The following CD48 variants were observed in gnomAD, a reference collection of about 807,000 sequenced individuals.
The protein encoded by CD48 is CD48 molecule.
A neutral mutation model predicts 22.0 loss-of-function variants in CD48; 20 were observed. The observed-to-expected ratio is 0.91, with a 90% CI of 0.64 to 1.32. CD48 has a LOEUF of 1.32. CD48 is among the 40% of genes most tolerant of loss of function. The probability of loss-of-function intolerance (pLI) is 0.00; values close to 1 mark genes in which losing one functional copy is unlikely to be tolerated. For missense variants in CD48, 307 were observed against 286.5 expected (o/e 1.07, Z -0.52); for synonymous variants, 110 against 110.1 (o/e 1.00, Z 0.01).
chr1:160,688,315 ACTT>A (rs1457734177), intron 1 of CD48, among the ~76,000 whole-genome samples: 3 of 152,198 alleles, frequency 2.0e-5, no homozygotes, highest in Non-Finnish European at 2.9e-5. Context: ...TTGCTGTAGC[ACTT>A]CATTAATTAA....
Position 160,678,979 on chromosome 1 carries a change from T to C in CD48, c.*73A>G. ...TGGTCAGCCTATACAGTCTCTGTCC[T>C]GGTGAGGAGCATGATCACCAACAGG... On this transcript the variant is annotated 3_prime_UTR_variant, in exon 4 of 4. Coordinates refer to ENST00000368046, the MANE Select transcript of CD48 (RefSeq NM_001778.4). 4 of 1,095,826 alleles carry C rather than the reference T, an allele frequency of 3.7e-6. No homozygotes were observed. The East Asian group carries it at 9.4e-5, about 26-fold the overall frequency. 67.9% of individuals were successfully genotyped at this position (1,095,826 alleles called of 1,614,324 possible).
intron 1 of CD48, among the ~76,000 whole-genome samples, chr1:160,685,802 T>C (rs1661976877): frequency 6.6e-6 from 1 of 152,262 alleles, no homozygotes; most frequent in Non-Finnish European, 1.5e-5. Context: ...GGCATACAGA[T>C]CAATTTAACG....
chr1:160,694,381 C>T (rs927413373), intron 1 of CD48, among the ~76,000 whole-genome samples: 1 of 151,974 alleles, frequency 6.6e-6, no homozygotes, highest in African/African-American at 2.4e-5. Context: ...GAGCAGATGT[C>T]TCTATCATTG....
At chr1:160,683,543 T>C (rs1661885548) in intron 2 of CD48, 1 of 151,184 alleles carries the variant, frequency 6.6e-6, no homozygotes, top group African/African-American at 2.4e-5. Context: ...TTAAATCTTG[T>C]AGAGCTTGTT....
intron 1 of CD48, chr1:160,691,577 CAATAAATACT>C (rs1321576503): frequency 1.2e-5 from 2 of 173,538 alleles, no homozygotes; most frequent in Non-Finnish European, 2.4e-5. Flanking sequence ...CACGAATGAT[CAATAAATACT>C]AAGGGGACTC....
chr1:160,707,441 G>A (rs998547959), intron 1 of CD48, among the ~76,000 whole-genome samples: 11 of 152,096 alleles, frequency 7.2e-5, no homozygotes, highest in African/African-American at 2.7e-4. Flanking sequence ...CTGGGCTAGT[G>A]GGACTCAGAG....
Position 160,679,116 on chromosome 1 carries a change from A to G in CD48, c.668T>C (p.Val223Ala), listed in dbSNP as rs993919352. 2 of 1,614,074 alleles carry G rather than the reference A, an allele frequency of 1.2e-6. No individual in the cohort carries two copies. Among genetic ancestry groups the G allele is most frequent in the Middle Eastern group, 1.7e-4 (1 of 6,060 alleles). The change falls in exon 4 of 4, where the codon GTA becomes GCA. Residue 223 changes from valine (V) to alanine (A), a missense_variant. Physicochemically the swap from Val to Ala is moderately conservative, Grantham distance 64. Transcript: ENST00000368046. ...PPCTLARSFG[V>A]EWIASWLVVT... ...CACTAGCCAACTTGCAATCCATTCT[A>G]CTCCAAAGGACCGGGCTGAAAGAGC...
chr1:160,706,167 C>G (rs1662788442), intron 1 of CD48, among the ~76,000 whole-genome samples: 1 of 152,070 alleles, frequency 6.6e-6, no homozygotes, highest in South Asian at 2.1e-4. Flanking sequence ...CTCCACCCCC[C>G]AGGTTCAAGC....
At chr1:160,680,999 T>C in intron 3 of CD48, 1 of 1,349,756 alleles carries the variant, frequency 7.4e-7, no homozygotes, top group Non-Finnish European at 9.4e-7. Flanking sequence ...GTGAGAACAC[T>C]GAGCCCCCAC....
chr1:160,685,257 G>T, intron 1 of CD48, 68 bp from the exon 2 acceptor site: 2 of 1,194,648 alleles, frequency 1.7e-6, no homozygotes, highest in Non-Finnish European at 2.4e-6. Context: ...CCAGGGTATA[G>T]CCTGGGCTGG....
chr1:160,702,972 T>C (rs903183289), intron 1 of CD48, among the ~76,000 whole-genome samples: 1 of 152,034 alleles, frequency 6.6e-6, no homozygotes, highest in African/African-American at 2.4e-5. Flanking sequence ...TAATTCAGAG[T>C]GACTTTGTTT....
intron 2 of CD48, chr1:160,684,671 A>C (rs1006718337): frequency 2.9e-6 from 4 of 1,402,852 alleles, no homozygotes; most frequent in Non-Finnish European, 2.8e-6. Flanking sequence ...CACTAACTTC[A>C]GAAGAGGTGT....
intron 1 of CD48, among the ~76,000 whole-genome samples, chr1:160,707,934 A>G (rs755345404): frequency 1.3e-5 from 2 of 152,174 alleles, no homozygotes; most frequent in Non-Finnish European, 2.9e-5. Context: ...TAAGGGTGCA[A>G]TAGATAGATG....
Position 160,711,781 on chromosome 1 carries a change from C to G in CD48, c.-18G>C, listed in dbSNP as rs1248776627. 3 of 1,601,388 alleles carry G rather than the reference C, an allele frequency of 1.9e-6. No individual in the cohort carries two copies. Among genetic ancestry groups the G allele is most frequent in the Non-Finnish European group, 2.6e-6 (3 of 1,168,882 alleles). On this transcript the variant is annotated 5_prime_UTR_variant, in exon 1 of 4. Transcript: ENST00000368046. ...GAGCACATGCTTCCTTCCAGAACTT[C>G]CCAGCAACGCAGGAGACAGTTGAGA...
chr1:160,680,569 C>CCTAGATCTAG lies in CD48; in HGVS notation c.652+632_652+633insCTAGATCTAG, dbSNP rs1661756649. ...TGGCCTTAGCTGTCCCATGCTAGCA[C>CCTAGATCTAG]CAGTGTAGGCCTGATCTAGAGCCAG... is the stretch of plus-strand genomic sequence containing the variant. On this transcript the variant is annotated intron_variant, in intron 3 of 3. Coordinates refer to ENST00000368046, the MANE Select transcript of CD48 (RefSeq NM_001778.4). The CCTAGATCTAG allele has an allele frequency of 2.0e-5, 20 of 991,498 alleles. No homozygotes were observed. In the African/African-American group the frequency reaches 2.8e-4, roughly 14 times the overall value. 61.4% of individuals were successfully genotyped at this position (991,498 alleles called of 1,614,324 possible). A position where few individuals can be genotyped will look rare whatever the true frequency, so the allele number is the denominator to read the frequency against.
intron 1 of CD48, among the ~76,000 whole-genome samples, chr1:160,703,003 G>A (rs1226712307): frequency 6.6e-6 from 1 of 152,156 alleles, no homozygotes; most frequent in Non-Finnish European, 1.5e-5. Flanking sequence ...AAAGGAACAG[G>A]AGCTTGGCCT....
At chr1:160,691,506 G>A (rs1339328772) in intron 1 of CD48, among the ~76,000 whole-genome samples, 2 of 152,118 alleles carry the variant, frequency 1.3e-5, no homozygotes, top group African/African-American at 4.8e-5. Context: ...GTGTTTGTCT[G>A]CTCACCCTCT....
At chr1:160,697,645 A>T (rs1211041170) in intron 1 of CD48, among the ~76,000 whole-genome samples, 2 of 152,272 alleles carry the variant, frequency 1.3e-5, no homozygotes, top group African/African-American at 4.8e-5. Context: ...ATCAAAGATC[A>T]TTAAAATTTA....
At chr1:160,711,214 T>C (rs1393564047) in intron 1 of CD48, among the ~76,000 whole-genome samples, 1 of 152,188 alleles carries the variant, frequency 6.6e-6, no homozygotes, top group Non-Finnish European at 1.5e-5. Flanking sequence ...CTTCCTATAA[T>C]TTTGATCTAT....
Sources: allele counts gnomAD v4.1 joint callset (sites outside exome capture counted in the v4.1 genomes callset), GRCh38; gene constraint gnomAD v4.1.1; transcripts MANE v1.5; gene names NCBI Gene and HGNC (gene_info 2026-07-23, HGNC 2026-07-21).